Variants in GPHN observed in about 807,000 individuals in gnomAD.
GPHN encodes gephyrin.
In GPHN, 17 loss-of-function variants were observed where a neutral mutation model predicts 95.5. The ratio of observed to expected loss-of-function variants is 0.18; its 90% confidence interval spans 0.12 to 0.27. The LOEUF (loss-of-function observed/expected upper bound fraction) is 0.27. Among genes scored for constraint, GPHN ranks in the 10% least tolerant of loss-of-function variants. The pLI is 1.00. For missense variants in GPHN, 660 were observed against 978.1 expected (o/e 0.67, Z 4.34); for synonymous variants, 320 against 322.5 (o/e 0.99, Z 0.08).
chr14:67,186,298 CGT>C (rs928692168), downstream of GPHN, among the ~76,000 whole-genome samples: 1 of 152,034 alleles, frequency 6.6e-6, no homozygotes, highest in African/African-American at 2.4e-5. Flanking sequence ...CATGCAGTGA[CGT>C]GTTAGACAGT....
At chr14:67,560,967 G>A in the GPHN span, among the ~76,000 whole-genome samples, 15 of 152,150 alleles carry the variant, frequency 9.9e-5, no homozygotes, top group African/African-American at 3.6e-4. Flanking sequence ...CTGACCTCAG[G>A]TGATCTGCCC....
rs1380779158 is a variant in GPHN at position 66,582,559 on chromosome 14, A to G, written c.64+73968A>G. On this transcript the variant is annotated intron_variant, in intron 1 of 22. Coordinates refer to ENST00000478722, the MANE Select transcript of GPHN (RefSeq NM_020806.5). ...CTCCCCCCACCCCACAACAGTCCCC[A>G]GTGTGTGATGTTCCCCTTCCTGTGT... Among the ~76,000 whole-genome samples the G allele has an allele frequency of 2.9e-5, 4 of 137,302 alleles. No individual in the cohort carries two copies. In the East Asian group the frequency reaches 8.9e-4, roughly 31 times the overall value. The allele number at this position is 137,302 out of a possible 152,430, so 90.1% of individuals were successfully genotyped here.
At chr14:67,569,890 G>C in the GPHN span, 1 of 1,434,676 alleles carries the variant, frequency 7.0e-7, no homozygotes, top group Non-Finnish European at 9.7e-7. Flanking sequence ...TTATGCCCTT[G>C]AGTAATCTCA....
At chr14:67,311,072 G>T in the GPHN span, among the ~76,000 whole-genome samples, 1 of 152,106 alleles carries the variant, frequency 6.6e-6, no homozygotes, top group Admixed American at 6.5e-5. Flanking sequence ...AGCACTTTGG[G>T]AGGCCAAGGC....
intron 8 of GPHN, among the ~76,000 whole-genome samples, chr14:66,942,170 C>A (rs974770593): frequency 2.0e-5 from 3 of 152,170 alleles, no homozygotes; most frequent in Non-Finnish European, 4.4e-5. Flanking sequence ...TGCCACCACA[C>A]CCAGCTAATT....
At chr14:67,257,191 T>C in the GPHN span, among the ~76,000 whole-genome samples, 1 of 152,162 alleles carries the variant, frequency 6.6e-6, no homozygotes, top group Non-Finnish European at 1.5e-5. Context: ...TTTCACTGAA[T>C]ACACGGTTTA....
chr14:67,323,399 GAGGCC>G, the GPHN span, among the ~76,000 whole-genome samples: 2 of 151,608 alleles, frequency 1.3e-5, no homozygotes, highest in Non-Finnish European at 2.9e-5. Context: ...AGCATTGCTT[GAGGCC>G]AGGAGTTCAA....
the GPHN span, among the ~76,000 whole-genome samples, chr14:67,398,659 G>A: frequency 6.6e-6 from 1 of 151,858 alleles, no homozygotes. Context: ...CCTGCCACCT[G>A]AGAACCACCT....
chr14:66,908,595 A>G (rs999573250), intron 5 of GPHN, among the ~76,000 whole-genome samples: 2 of 152,056 alleles, frequency 1.3e-5, no homozygotes, highest in Non-Finnish European at 2.9e-5. Context: ...ACATACAGTG[A>G]CTTCCTTCCA....
intron 11 of GPHN, among the ~76,000 whole-genome samples, chr14:67,078,088 A>T (rs2153661385): frequency 6.6e-6 from 1 of 152,244 alleles, no homozygotes; most frequent in African/African-American, 2.4e-5. Flanking sequence ...CAGAATAAAC[A>T]TTGTCTAGTC....
At chr14:66,647,161 C>T (rs2064798857) in intron 1 of GPHN, among the ~76,000 whole-genome samples, 1 of 151,366 alleles carries the variant, frequency 6.6e-6, no homozygotes, top group Non-Finnish European at 1.5e-5. Context: ...CTGCCTTGGC[C>T]CCCCAAAGTT....
the GPHN span, among the ~76,000 whole-genome samples, chr14:67,259,546 A>G: frequency 6.6e-6 from 1 of 152,090 alleles, no homozygotes; most frequent in Non-Finnish European, 1.5e-5. Context: ...CAGGAGGCAG[A>G]GGTTGCAGTG....
chr14:67,579,233 G>A, the GPHN span: 1 of 1,610,586 alleles, frequency 6.2e-7, no homozygotes, highest in Non-Finnish European at 8.5e-7. Flanking sequence ...TGGAAGTGGT[G>A]TCCATCCTGC....
At chr14:67,404,016 A>G in the GPHN span, among the ~76,000 whole-genome samples, 1 of 152,322 alleles carries the variant, frequency 6.6e-6, no homozygotes, top group South Asian at 2.1e-4. Flanking sequence ...TTGCGCTACC[A>G]CACTCTAGCC....
chr14:67,448,512 A>T, the GPHN span, among the ~76,000 whole-genome samples: 1 of 152,150 alleles, frequency 6.6e-6, no homozygotes, highest in East Asian at 1.9e-4. Flanking sequence ...CCTCTTAGCC[A>T]ACCAGCTGGC....
In GPHN at chr14:66,666,412, T is replaced by TA. The variant is rs201341918; in HGVS notation, c.65-14685dup. Among the ~76,000 whole-genome samples the TA allele has an allele frequency of 1.0e-3, 151 of 147,130 alleles. 5 individuals carry two copies. Among genetic ancestry groups the TA allele is most frequent in the South Asian group, 8.6e-4 (4 of 4,644 alleles). On this transcript the variant is annotated intron_variant, in intron 1 of 22. Coordinates refer to ENST00000478722, the MANE Select transcript of GPHN (RefSeq NM_020806.5). ...TGGATTAAATAAAAACATTTTTTAA[T>TA]AAAAAAAAAAGCTTGTCCACCAGAG... is the stretch of plus-strand genomic sequence containing the variant.
At chr14:66,694,508 A>T (rs1245702626) in intron 2 of GPHN, among the ~76,000 whole-genome samples, 1 of 152,228 alleles carries the variant, frequency 6.6e-6, no homozygotes, top group African/African-American at 2.4e-5. Flanking sequence ...ACACCTGGAC[A>T]TCTGCATGCT....
intron 4 of GPHN, among the ~76,000 whole-genome samples, chr14:66,835,319 G>T (rs543064002): frequency 6.6e-6 from 1 of 150,950 alleles, no homozygotes; most frequent in Non-Finnish European, 1.5e-5. Flanking sequence ...GTTTGCTCTT[G>T]CTTTTCTAGT....
chr14:66,554,588 A>C (rs1461040570), intron 1 of GPHN, among the ~76,000 whole-genome samples: 1 of 152,198 alleles, frequency 6.6e-6, no homozygotes, highest in Admixed American at 6.5e-5. Flanking sequence ...TTCATTCGCT[A>C]TCACAAGTAC....
Sources: allele counts gnomAD v4.1 joint callset (sites outside exome capture counted in the v4.1 genomes callset), GRCh38; gene constraint gnomAD v4.1.1; transcripts MANE v1.5; gene names NCBI Gene and HGNC (gene_info 2026-07-23, HGNC 2026-07-21).